The following RRAS2 variants were observed in gnomAD, a reference collection of about 807,000 sequenced individuals.
RRAS2 encodes the protein RAS related 2.
Under a neutral mutation model 27.6 loss-of-function variants are expected in RRAS2, and 7 were observed. The observed-to-expected ratio is 0.25, with a 90% CI of 0.14 to 0.48. RRAS2 has a LOEUF of 0.48. Among genes scored for constraint, RRAS2 ranks in the 20% least tolerant of loss-of-function variants. RRAS2 has a pLI of 0.99. For missense variants in RRAS2, 178 were observed against 256.2 expected, an observed-to-expected ratio of 0.69 and a Z score of 2.08; for synonymous variants, 86 against 90.9, an observed-to-expected ratio of 0.95 and a Z score of 0.31.
At chr11:14,345,879 TGA>T (rs1177458562) in intron 1 of RRAS2, among the ~76,000 whole-genome samples, 2 of 152,232 alleles carry the variant, frequency 1.3e-5, no homozygotes, top group East Asian at 3.8e-4. Context: ...AAGGCAATTC[TGA>T]GAGATGACCA....
At chr11:14,356,897 A>T in intron 1 of RRAS2, 1 of 378,284 alleles carries the variant, frequency 2.6e-6, no homozygotes. Context: ...AAGCGATTCT[A>T]CTGCCTCAGC....
chr11:14,348,108 T>C (rs2057211428), intron 1 of RRAS2, among the ~76,000 whole-genome samples: 1 of 152,212 alleles, frequency 6.6e-6, no homozygotes, highest in African/African-American at 2.4e-5. Context: ...TGGTCCCCTT[T>C]ATGCTCTGCT....
chr11:14,312,799 A>C (rs570255814), intron 1 of RRAS2, among the ~76,000 whole-genome samples: 8 of 152,266 alleles, frequency 5.3e-5, no homozygotes, highest in Admixed American at 5.2e-4. Flanking sequence ...AAGCAATCTC[A>C]CACCTGTATC....
intron 1 of RRAS2, among the ~76,000 whole-genome samples, chr11:14,312,444 C>T (rs1847994024): frequency 6.6e-6 from 1 of 152,090 alleles, no homozygotes; most frequent in Non-Finnish European, 1.5e-5. Flanking sequence ...TTTTTAGAGA[C>T]AATCTTGCTC....
At chr11:14,296,080 T>A (rs1244165575) in intron 1 of RRAS2, among the ~76,000 whole-genome samples, 2 of 151,854 alleles carry the variant, frequency 1.3e-5, no homozygotes, top group African/African-American at 4.8e-5. Flanking sequence ...CTTGGGAGGC[T>A]GATGTGGGAG....
intron 1 of RRAS2, among the ~76,000 whole-genome samples, chr11:14,320,806 T>C (rs1848204545): frequency 1.3e-5 from 2 of 152,188 alleles, no homozygotes; most frequent in Non-Finnish European, 2.9e-5. Flanking sequence ...CATAAAGTCA[T>C]ATAAAGTAGT....
At chr11:14,304,659 C>CA (rs1281777945) in intron 1 of RRAS2, among the ~76,000 whole-genome samples, 1 of 152,206 alleles carries the variant, frequency 6.6e-6, no homozygotes, top group Non-Finnish European at 1.5e-5. Flanking sequence ...GGGAGGACTG[C>CA]AGTGGGGAAA....
intron 1 of RRAS2, among the ~76,000 whole-genome samples, chr11:14,313,169 G>A (rs576158946): frequency 1.3e-5 from 2 of 152,278 alleles, no homozygotes; most frequent in South Asian, 2.1e-4. Context: ...ACCCAAGTAC[G>A]TAGGTTTAAA....
At chr11:14,344,041 G>A (rs1554953726) in intron 1 of RRAS2, among the ~76,000 whole-genome samples, 1 of 152,084 alleles carries the variant, frequency 6.6e-6, no homozygotes, top group East Asian at 1.9e-4. Flanking sequence ...TACTGGAGAG[G>A]CTGAGGTAGA....
intron 1 of RRAS2, among the ~76,000 whole-genome samples, chr11:14,299,885 T>G (rs1847651462): frequency 6.6e-6 from 1 of 152,190 alleles, no homozygotes; most frequent in Admixed American, 6.5e-5. Flanking sequence ...GTTAGACAGT[T>G]AATACTACAG....
chr11:14,327,637 T>C (rs1554951210), intron 1 of RRAS2, among the ~76,000 whole-genome samples: 1 of 152,234 alleles, frequency 6.6e-6, no homozygotes, highest in African/African-American at 2.4e-5. Flanking sequence ...GTATGACTGC[T>C]ACCAGAATTT....
intron 1 of RRAS2, among the ~76,000 whole-genome samples, chr11:14,302,424 A>G (rs1847739532): frequency 6.6e-6 from 1 of 152,182 alleles, no homozygotes; most frequent in African/African-American, 2.4e-5. Flanking sequence ...AGGGCTCTGG[A>G]GTCGGAGAGC....
At chr11:14,279,535 T>TA in intron 5 of RRAS2, 111 bp from the exon 6 acceptor site, 1 of 818,134 alleles carries the variant, frequency 1.2e-6, no homozygotes, top group Non-Finnish European at 2.0e-6. Context: ...TTTTCAGTGT[T>TA]AAACTTCAAC....
chr11:14,336,052 G>A (rs1338425745), intron 1 of RRAS2, among the ~76,000 whole-genome samples: 6 of 152,226 alleles, frequency 3.9e-5, no homozygotes, highest in African/African-American at 1.2e-4. Flanking sequence ...CTGCAGTGGT[G>A]TCAGGGAAGA....
intron 5 of RRAS2, among the ~76,000 whole-genome samples, chr11:14,279,789 G>C (rs528315762): frequency 6.6e-6 from 1 of 152,310 alleles, no homozygotes; most frequent in South Asian, 2.1e-4. Flanking sequence ...GGTCTTATCT[G>C]TGTTCTGCCA....
Position 14,358,198 on chromosome 11 carries a change from T to G in RRAS2, c.108+565A>C, listed in dbSNP as rs372849684. The G allele has an allele frequency of 1.0e-6, 1 of 983,580 alleles. No individual in the cohort carries two copies. Among genetic ancestry groups the G allele is most frequent in the African/African-American group, 1.7e-5 (1 of 57,194 alleles). The allele number at this position is 983,580 out of a possible 1,614,324, so 60.9% of individuals were successfully genotyped here. A position where few individuals can be genotyped will look rare whatever the true frequency, so the allele number is the denominator to read the frequency against. ...TATCACACACTCCCACCCGGACATA[T>G]TACCTAAGAGAGTACTTATAAAAAG... On this transcript the variant is annotated intron_variant, in intron 1 of 5. Transcript: ENST00000256196. The surrounding 1 kb of genome is among the most constrained non-coding windows in gnomAD (Gnocchi z 5.1).
At position 14,335,862 on chromosome 11, in the gene RRAS2, G is replaced by C. The variant is rs555468145; in HGVS notation, c.108+22901C>G. Among the ~76,000 whole-genome samples, 195 of 152,274 alleles carry C rather than the reference G, an allele frequency of 1.3e-3. 1 individual carries two copies. Among genetic ancestry groups the C allele is most frequent in the African/African-American group, 4.5e-3 (185 of 41,556 alleles). On this transcript the variant is annotated intron_variant, in intron 1 of 5. Coordinates refer to ENST00000256196, the MANE Select transcript of RRAS2 (RefSeq NM_012250.6). ...ACAAAAAAAGTACTAACAAAAGAATGCTCTCTCTAGCTAAAGGACCAGAAC... is the reference window on the plus strand; with the variant it reads ...ACAAAAAAAGTACTAACAAAAGAATCCTCTCTCTAGCTAAAGGACCAGAAC...
At chr11:14,279,468 T>C (rs782564708) in intron 5 of RRAS2, 44 bp from the exon 6 acceptor site, 4 of 1,341,586 alleles carry the variant, frequency 3.0e-6, no homozygotes, top group Non-Finnish European at 4.3e-6. Context: ...TTCTTGGTAA[T>C]CTACTATTAC....
rs1306478124 is a variant in RRAS2 at position 14,358,138 on chromosome 11, T to G, written c.108+625A>C. On this transcript the variant is annotated intron_variant, in intron 1 of 5. Coordinates refer to ENST00000256196, the MANE Select transcript of RRAS2 (RefSeq NM_012250.6). The surrounding 1 kb of genome is among the most constrained non-coding windows in gnomAD (Gnocchi z 5.1). Reference sequence around the variant, plus strand: ...GGTCTCACCCCATCAGAGAACATTTTTAACTTCCTAGAAGCCACCATTTCC... The same window carrying G: ...GGTCTCACCCCATCAGAGAACATTTGTAACTTCCTAGAAGCCACCATTTCC... 6.8e-5 allele frequency: 56 copies of G among 827,786 alleles called. No individual in the cohort carries two copies. Among genetic ancestry groups the G allele is most frequent in the Non-Finnish European group, 7.6e-5 (52 of 686,450 alleles). The allele number at this position is 827,786 out of a possible 1,614,324, so 51.3% of individuals were successfully genotyped here. A position where few individuals can be genotyped will look rare whatever the true frequency, so the allele number is the denominator to read the frequency against.
Sources: allele counts gnomAD v4.1 joint callset (sites outside exome capture counted in the v4.1 genomes callset), GRCh38; gene constraint gnomAD v4.1.1; non-coding constraint Gnocchi (gnomAD v3.1); transcripts MANE v1.5; gene names NCBI Gene and HGNC (gene_info 2026-07-23, HGNC 2026-07-21).